Variants in HIPK1 observed in about 807,000 individuals in gnomAD.
HIPK1 encodes homeodomain-interacting protein kinase 1.
A neutral mutation model predicts 117.1 loss-of-function variants in HIPK1; 28 were observed. That is an observed-to-expected ratio of 0.24 (90% CI 0.18 to 0.33). The LOEUF (loss-of-function observed/expected upper bound fraction) is 0.33. Ranked by LOEUF, HIPK1 falls within the 10% of genes least tolerant of loss-of-function variation. The probability of loss-of-function intolerance (pLI) is 1.00; values close to 1 mark genes in which losing one functional copy is unlikely to be tolerated. For missense variants in HIPK1, 1,122 were observed against 1,475.1 expected (o/e 0.76, Z 3.92); for synonymous variants, 605 against 562.5 (o/e 1.08, Z -1.07).
chr1:113,960,423 C>T (rs1367393892), intron 8 of HIPK1, among the ~76,000 whole-genome samples: 1 of 152,242 alleles, frequency 6.6e-6, no homozygotes, highest in Non-Finnish European at 1.5e-5. Context: ...ACTATAAATA[C>T]TACTTTCCAT....
intron 9 of HIPK1, 31 bp downstream of exon 9, chr1:113,962,469 A>G (rs762399943): frequency 2.2e-5 from 36 of 1,605,436 alleles, no homozygotes; most frequent in Non-Finnish European, 3.1e-5. Flanking sequence ...GATACTCAGT[A>G]TTGCTAAACA....
chr1:113,941,921 G>T lies in HIPK1; in HGVS notation c.1076+462G>T, dbSNP rs1036990387. 6.6e-6 allele frequency among the ~76,000 whole-genome samples: 1 copy of T among 151,866 alleles called. No homozygotes were observed. The highest frequency in any genetic ancestry group is 1.9e-4 in the East Asian group (1 of 5,180). On this transcript the variant is annotated intron_variant, in intron 2 of 15. Transcript: ENST00000426820. The surrounding 1 kb of genome is among the most constrained non-coding windows in gnomAD (Gnocchi z 4.9). ...ACCACAGGCACCCGCCATCACGCCC[G>T]GCTAATTTTTTTTGTATTTTTAGTA...
chr1:113,950,536 G>A (rs570405229), intron 2 of HIPK1, among the ~76,000 whole-genome samples: 11 of 152,034 alleles, frequency 7.2e-5, no homozygotes, highest in Non-Finnish European at 7.4e-5. Context: ...ATGGAGTCTC[G>A]CTCTGTCGCC....
In HIPK1 at chr1:113,948,290, G is replaced by T. The variant is rs1048480881; in HGVS notation, c.1077-4476G>T. Among the ~76,000 whole-genome samples the T allele has an allele frequency of 2.0e-5, 3 of 152,072 alleles. No homozygotes were observed. The South Asian group carries it at 6.2e-4, about 32-fold the overall frequency. ...CTTTTTTGTTTGTTTTTGAGACAGG[G>T]TCTCAGGCTGGAGTGCAGTGGCGCA... On this transcript the variant is annotated intron_variant, in intron 2 of 15. Coordinates refer to ENST00000426820, the MANE Select transcript of HIPK1 (RefSeq NM_198268.3).
At chr1:113,946,210 T>C (rs912192192) in intron 2 of HIPK1, among the ~76,000 whole-genome samples, 8 of 152,182 alleles carry the variant, frequency 5.3e-5, no homozygotes, top group African/African-American at 1.9e-4. Context: ...ACATAACATA[T>C]ATATAACATA....
chr1:113,937,052 T>A (rs1163912807), intron 1 of HIPK1, among the ~76,000 whole-genome samples: 3 of 152,256 alleles, frequency 2.0e-5, no homozygotes, highest in African/African-American at 7.2e-5. Context: ...TTCAGATTTT[T>A]CTTTTATTAT....
intron 2 of HIPK1, among the ~76,000 whole-genome samples, chr1:113,947,774 T>TGGG (rs1263505689): frequency 1.3e-5 from 2 of 152,220 alleles, no homozygotes; most frequent in African/African-American, 4.8e-5. Context: ...TTTTTAAGGA[T>TGGG]GGGATGTGTC....
At chr1:113,969,664 C>G (rs1672690466) in intron 13 of HIPK1, among the ~76,000 whole-genome samples, 2 of 152,166 alleles carry the variant, frequency 1.3e-5, no homozygotes, top group African/African-American at 2.4e-5. Context: ...AATCCTAGCA[C>G]TTTGGGAGGC....
intron 13 of HIPK1, among the ~76,000 whole-genome samples, chr1:113,968,905 A>C (rs187651990): frequency 0.024 from 3,613 of 152,316 alleles, 40 homozygotes; most frequent in Middle Eastern, 0.044. Context: ...TTTGTATCCC[A>C]GCTACTCGGG....
Position 113,962,373 on chromosome 1 carries a change from G to A in HIPK1, c.2038G>A (p.Val680Ile), listed in dbSNP as rs1331073553. ...ATTCCCTGTGAGGATGGATAATGCT[G>A]TACCGATTGTACCCCAGGCACCAGC... Reference protein sequence around the residue: ...SGFPVRMDNAVPIVPQAPAAQ... With the variant: ...SGFPVRMDNAIPIVPQAPAAQ... The change falls in exon 9 of 16, where the codon GTA (valine) becomes ATA (isoleucine). Residue 680 changes from valine (V) to isoleucine (I), a missense_variant. By Grantham distance (29) the Val-to-Ile change is conservative (BLOSUM62 3). This residue lies in a region of HIPK1 where 731 missense variants were observed against 860.4 expected (regional missense o/e 0.85). Coordinates refer to ENST00000426820, the MANE Select transcript of HIPK1 (RefSeq NM_198268.3). 4 of 1,613,790 alleles carry A rather than the reference G, an allele frequency of 2.5e-6. No individual in the cohort carries two copies. Among genetic ancestry groups the A allele is most frequent in the Non-Finnish European group, 3.4e-6 (4 of 1,179,724 alleles).
At position 113,977,022 on chromosome 1, in the gene HIPK1, T is replaced by C. The variant is rs1673171852; in HGVS notation, c.*3510T>C. On this transcript the variant is annotated 3_prime_UTR_variant, in exon 16 of 16. Coordinates refer to ENST00000426820, the MANE Select transcript of HIPK1 (RefSeq NM_198268.3). ...GAATAAGAACTCCATTTCAAACAGT[T>C]CTGGCCATTCTGAGCCTGCTTTTGT... The C allele has an allele frequency of 6.5e-6, 1 of 152,824 alleles. No individual in the cohort carries two copies. Among genetic ancestry groups the C allele is most frequent in the Admixed American group, 6.5e-5 (1 of 15,282 alleles). The allele number at this position is 152,824 out of a possible 1,614,324, so 9.5% of individuals were successfully genotyped here.
Position 113,963,535 on chromosome 1 carries a change from C to T in HIPK1, c.2238+14C>T, listed in dbSNP as rs747565846. On this transcript the variant is annotated intron_variant, in intron 10 of 15. Coordinates refer to ENST00000426820, the MANE Select transcript of HIPK1 (RefSeq NM_198268.3). ...GCCGCTGTACTGGTAATTCCCCTCA[C>T]TTGATTGTGTTACTAACGGAGTTTC... is the stretch of plus-strand genomic sequence containing the variant. 6.3e-7 allele frequency: 1 copy of T among 1,599,078 alleles called. No homozygotes were observed. The highest frequency in any genetic ancestry group is 1.8e-5 in the Admixed American group (1 of 55,656).
chr1:113,960,207 C>T (rs559662088), intron 8 of HIPK1, among the ~76,000 whole-genome samples: 4 of 152,250 alleles, frequency 2.6e-5, no homozygotes, highest in Non-Finnish European at 4.4e-5. Flanking sequence ...TTTATTCTTT[C>T]CATACTTACC....
At chr1:113,932,588 A>T (rs12730274) in intron 1 of HIPK1, among the ~76,000 whole-genome samples, 1 of 152,002 alleles carries the variant, frequency 6.6e-6, no homozygotes, top group South Asian at 2.1e-4. Context: ...CATGTTGGCC[A>T]GGCTGGTCTC....
At chr1:113,963,634 T>A (rs927692012) in intron 10 of HIPK1, 113 bp downstream of exon 10, 15 of 1,309,154 alleles carry the variant, frequency 1.1e-5, no homozygotes, top group Non-Finnish European at 1.5e-5. Context: ...TTCAAAAAAA[T>A]TTTTTAGCTT....
At chr1:113,938,129 CTTTT>C (rs565973812) in intron 1 of HIPK1, among the ~76,000 whole-genome samples, 1 of 131,330 alleles carries the variant, frequency 7.6e-6, no homozygotes. Flanking sequence ...TTACACTTGG[CTTTT>C]TTTTTTTTTT....
chr1:113,962,032 A>G (rs1188060396), intron 8 of HIPK1, among the ~76,000 whole-genome samples: 1 of 150,892 alleles, frequency 6.6e-6, no homozygotes, highest in African/African-American at 2.4e-5. Flanking sequence ...CTTAATGGAG[A>G]TGGGATGAAT....
chr1:113,942,387 CAA>C (rs1253582208), intron 2 of HIPK1, among the ~76,000 whole-genome samples: 1 of 152,198 alleles, frequency 6.6e-6, no homozygotes, highest in Non-Finnish European at 1.5e-5. Flanking sequence ...TTGAAATACA[CAA>C]AGATATTTAC....
Position 113,940,677 on chromosome 1 carries a change from A to T in HIPK1, c.294A>T (p.Ser98=), listed in dbSNP as rs769657116. The part of the protein sequence containing the change: ...AADSSGSAAT[S]TFQSSQTLTH... Reference sequence around the variant, plus strand: ...ATAGCTCGGGCAGTGCTGCTACATCAACCTTCCAAAGCAGCCAGACCCTGA... The same window carrying T: ...ATAGCTCGGGCAGTGCTGCTACATCTACCTTCCAAAGCAGCCAGACCCTGA... The change falls in exon 2 of 16, where the codon TCA becomes TCT. Residue 98 remains serine, a synonymous_variant. Coordinates refer to ENST00000426820, the MANE Select transcript of HIPK1 (RefSeq NM_198268.3). The T allele has an allele frequency of 6.2e-7, 1 of 1,614,190 alleles. No individual in the cohort carries two copies. The highest frequency in any genetic ancestry group is 1.6e-4 in the Middle Eastern group (1 of 6,062).
Sources: gnomAD v4.1 joint callset for allele counts (sites outside exome capture counted in the v4.1 genomes callset) on GRCh38, gnomAD v4.1.1 for gene constraint, gnomAD v4.1.1 regional missense constraint, Gnocchi (gnomAD v3.1) non-coding constraint, MANE v1.5 for transcripts, NCBI Gene and HGNC (gene_info 2026-07-23, HGNC 2026-07-21) for gene names.